Variants in CNTN4 observed in about 807,000 individuals in gnomAD.
CNTN4 encodes the protein contactin 4.
A neutral mutation model predicts 122.5 loss-of-function variants in CNTN4; 77 were observed. The observed-to-expected ratio is 0.63, with a 90% CI of 0.52 to 0.76. CNTN4 has a LOEUF of 0.76. CNTN4 is among the 30% of genes least tolerant of loss of function. The pLI is 0.00. For synonymous variants in CNTN4, 512 were observed against 447.0 expected (o/e 1.15, Z -1.83); for missense variants, 1,256 against 1,259.1 (o/e 1.00, Z 0.04).
At chr3:2,922,608 ATTTTT>A (rs547782541) in intron 12 of CNTN4, among the ~76,000 whole-genome samples, 1 of 110,014 alleles carries the variant, frequency 9.1e-6, no homozygotes. Flanking sequence ...AAAGAACTTG[ATTTTT>A]TTTTTTTTTT....
At chr3:2,530,297 C>G (rs1429062026) in intron 3 of CNTN4, among the ~76,000 whole-genome samples, 2 of 149,698 alleles carry the variant, frequency 1.3e-5, no homozygotes, top group Admixed American at 1.3e-4. Flanking sequence ...TTTTCTTCTT[C>G]TTTCTCCTCT....
At chr3:2,159,003 G>C (rs73806357) in intron 2 of CNTN4, among the ~76,000 whole-genome samples, 1 of 152,216 alleles carries the variant, frequency 6.6e-6, no homozygotes, top group African/African-American at 2.4e-5. Context: ...TGCAGTCTCT[G>C]AGGTCTAGTG....
chr3:2,979,083 T>C (rs1030486221), intron 13 of CNTN4, among the ~76,000 whole-genome samples: 1 of 152,194 alleles, frequency 6.6e-6, no homozygotes, highest in Non-Finnish European at 1.5e-5. Context: ...TGGTGGCTTA[T>C]CTACGAGGTG....
intron 4 of CNTN4, among the ~76,000 whole-genome samples, chr3:2,635,352 C>T (rs1323012846): frequency 1.3e-5 from 2 of 152,168 alleles, no homozygotes; most frequent in African/African-American, 4.8e-5. Flanking sequence ...TTTTCTGGTT[C>T]TCCCACACTT....
chr3:2,734,086 G>A lies in CNTN4; in HGVS notation c.56-2129G>A, dbSNP rs114490037. ...TTGTTTTGTTTTGTTTTGAGATAGCGTCTTGGTTTGTTATCCAAGCTGGAG... is the reference window on the plus strand; with the variant it reads ...TTGTTTTGTTTTGTTTTGAGATAGCATCTTGGTTTGTTATCCAAGCTGGAG... On this transcript the variant is annotated intron_variant, in intron 4 of 24. Transcript: ENST00000418658. Among the ~76,000 whole-genome samples, 471 of 152,044 alleles carry A rather than the reference G, an allele frequency of 3.1e-3. 5 individuals are homozygous for A. Among genetic ancestry groups the A allele is most frequent in the African/African-American group, 0.011 (442 of 41,464 alleles).
intron 12 of CNTN4, among the ~76,000 whole-genome samples, chr3:2,925,204 A>C (rs973588416): frequency 6.6e-6 from 1 of 152,202 alleles, no homozygotes; most frequent in African/African-American, 2.4e-5. Context: ...AGTGCTACAT[A>C]CTTTAAAAAA....
At chr3:2,668,566 T>G (rs2084310006) in intron 4 of CNTN4, among the ~76,000 whole-genome samples, 1 of 152,200 alleles carries the variant, frequency 6.6e-6, no homozygotes, top group Non-Finnish European at 1.5e-5. Flanking sequence ...CCTCTTTTCC[T>G]AATTGAATAC....
chr3:2,843,421 CCTT>C (rs1201468305), intron 7 of CNTN4, among the ~76,000 whole-genome samples: 1 of 152,170 alleles, frequency 6.6e-6, no homozygotes, highest in Non-Finnish European at 1.5e-5. Flanking sequence ...TGGTGTCCCT[CCTT>C]CTATTCCTGT....
At chr3:2,704,508 C>G (rs1024875611) in intron 4 of CNTN4, among the ~76,000 whole-genome samples, 6 of 151,740 alleles carry the variant, frequency 4.0e-5, no homozygotes, top group Non-Finnish European at 7.4e-5. Flanking sequence ...AGAAAGAGGA[C>G]AAAACAAAGG....
chr3:2,548,965 T>A (rs2078364565), intron 3 of CNTN4, among the ~76,000 whole-genome samples: 1 of 152,178 alleles, frequency 6.6e-6, no homozygotes, highest in African/African-American at 2.4e-5. Flanking sequence ...ACTCATGATT[T>A]GGCTCTCTGT....
At chr3:2,775,238 T>A (rs759532502) in intron 6 of CNTN4, among the ~76,000 whole-genome samples, 18 of 152,188 alleles carry the variant, frequency 1.2e-4, no homozygotes, top group Admixed American at 3.9e-4. Context: ...CTTAGTGTTT[T>A]TATTTCCAGC....
At chr3:2,239,052 C>T (rs1051256839) in intron 2 of CNTN4, 6 of 151,972 alleles carry the variant, frequency 3.9e-5, no homozygotes, top group African/African-American at 9.7e-5. Context: ...GAAAAATTCT[C>T]AATCGTCGTC....
At chr3:2,371,313 G>A (rs1378384509) in intron 3 of CNTN4, among the ~76,000 whole-genome samples, 1 of 152,076 alleles carries the variant, frequency 6.6e-6, no homozygotes, top group Admixed American at 6.6e-5. Context: ...ACTTATTCAA[G>A]GTACTTACTG....
At chr3:2,325,705 C>G (rs2043430968) in intron 2 of CNTN4, among the ~76,000 whole-genome samples, 1 of 152,068 alleles carries the variant, frequency 6.6e-6, no homozygotes, top group South Asian at 2.1e-4. Flanking sequence ...GGATTATAGG[C>G]AAGATAGCCA....
intron 6 of CNTN4, among the ~76,000 whole-genome samples, chr3:2,787,886 TTCAAGTGATTCTC>T (rs2091890888): frequency 6.6e-6 from 1 of 151,004 alleles, no homozygotes; most frequent in Non-Finnish European, 1.5e-5. Flanking sequence ...GCCTCCCAGG[TTCAAGTGATTCTC>T]CTGCCTCTGC....
intron 2 of CNTN4, among the ~76,000 whole-genome samples, chr3:2,230,320 C>T (rs2039437164): frequency 1.3e-5 from 2 of 152,128 alleles, no homozygotes; most frequent in Admixed American, 6.5e-5. Flanking sequence ...TCATATATAC[C>T]TTGCGTGATT....
chr3:2,566,358 C>T (rs13081430), intron 3 of CNTN4, among the ~76,000 whole-genome samples: 1,547 of 152,192 alleles, frequency 0.01, 12 homozygotes, highest in Non-Finnish European at 0.017. Flanking sequence ...TTCTAATTGC[C>T]AAAGCTCTAA....
intron 2 of CNTN4, among the ~76,000 whole-genome samples, chr3:2,201,193 C>T (rs551413757): frequency 6.6e-6 from 1 of 152,212 alleles, no homozygotes; most frequent in Non-Finnish European, 1.5e-5. Context: ...GGGCATTTGC[C>T]CTCCAGAAAG....
intron 14 of CNTN4, chr3:2,989,081 G>A (rs550772158): frequency 3.9e-5 from 6 of 152,964 alleles, no homozygotes; most frequent in South Asian, 2.1e-4. Context: ...AGCAAAGCAC[G>A]TGAGTGAAAC....
Sources: gnomAD v4.1 joint callset for allele counts (sites outside exome capture counted in the v4.1 genomes callset) on GRCh38, gnomAD v4.1.1 for gene constraint, MANE v1.5 for transcripts, NCBI Gene and HGNC (gene_info 2026-07-23, HGNC 2026-07-21) for gene names.